Variants in JAK2 observed in about 807,000 individuals in gnomAD.
JAK2 encodes tyrosine-protein kinase JAK2.
JAK2 carries 86 observed loss-of-function variants against 139.3 expected under a neutral mutation model. The ratio of observed to expected loss-of-function variants is 0.62; its 90% CI spans 0.52 to 0.74. JAK2 has a LOEUF of 0.74. Ranked by LOEUF, JAK2 falls within the 30% of genes least tolerant of loss-of-function variation. The pLI, the probability that JAK2 is intolerant of heterozygous loss-of-function variation, is 0.00. For synonymous variants in JAK2, 490 were observed against 437.7 expected (o/e 1.12, Z -1.49); for missense variants, 1,421 against 1,360.3 (o/e 1.04, Z -0.70).
intron 6 of JAK2, among the ~76,000 whole-genome samples, chr9:5,052,407 T>C (rs551017254): frequency 7.1e-6 from 1 of 140,434 alleles, no homozygotes; most frequent in South Asian, 2.1e-4. Flanking sequence ...TGCTGCATCA[T>C]TTTTTTTTAC....
intron 2 of JAK2, among the ~76,000 whole-genome samples, chr9:5,011,474 G>A (rs1821695465): frequency 6.6e-6 from 1 of 152,202 alleles, no homozygotes; most frequent in Admixed American, 6.5e-5. Context: ...AAAGGCATGA[G>A]CCATGACTCC....
intron 22 of JAK2, among the ~76,000 whole-genome samples, chr9:5,118,605 T>C (rs967782533): frequency 6.6e-6 from 1 of 152,228 alleles, no homozygotes; most frequent in African/African-American, 2.4e-5. Context: ...TATTTATTTC[T>C]ATAATGGGAC....
At chr9:4,993,417 ATAGCTTATTCTT>A (rs1347467392) in intron 2 of JAK2, among the ~76,000 whole-genome samples, 1 of 152,216 alleles carries the variant, frequency 6.6e-6, no homozygotes, top group Non-Finnish European at 1.5e-5. Context: ...CAAAAAATGA[ATAGCTTATTCTT>A]TAGTTCATCT....
At chr9:5,002,992 C>T (rs1284432390) in intron 2 of JAK2, among the ~76,000 whole-genome samples, 1 of 151,858 alleles carries the variant, frequency 6.6e-6, no homozygotes, top group Non-Finnish European at 1.5e-5. Flanking sequence ...TTGAAATGAC[C>T]AATATTTCTT....
At chr9:5,015,938 A>C (rs532288405) in intron 2 of JAK2, among the ~76,000 whole-genome samples, 5 of 152,214 alleles carry the variant, frequency 3.3e-5, no homozygotes, top group Non-Finnish European at 5.9e-5. Flanking sequence ...CAAGCTGTAC[A>C]TATATATAGA....
At chr9:5,093,609 AT>A (rs1394506274) in intron 22 of JAK2, among the ~76,000 whole-genome samples, 10 of 152,190 alleles carry the variant, frequency 6.6e-5, no homozygotes, top group Admixed American at 6.5e-4. Context: ...TGCATTAAAA[AT>A]TTTGGTTGGG....
chr9:5,077,655 A>G lies in JAK2; in HGVS notation c.1992+75A>G, dbSNP rs558578501. 4.1e-6 allele frequency: 4 copies of G among 964,066 alleles called. No individual in the cohort carries two copies. In the South Asian group the frequency reaches 7.1e-5, roughly 17 times the overall value. 59.7% of individuals were successfully genotyped at this position (964,066 alleles called of 1,614,324 possible). A position where few individuals can be genotyped will look rare whatever the true frequency, so the allele number is the denominator to read the frequency against. On this transcript the variant is annotated intron_variant, in intron 15 of 24. Transcript: ENST00000381652. The stretch of plus-strand genomic sequence containing the variant: ...CAATATACAAATTATCTTTACCTGG[A>G]AACAAAAAATAAATCTGTAATTGGA...
chr9:5,096,802 C>G (rs967997782), intron 22 of JAK2: 1 of 152,166 alleles, frequency 6.6e-6, no homozygotes, highest in African/African-American at 2.4e-5. Flanking sequence ...CAACCAGGAA[C>G]TCTGCTAGGA....
intron 12 of JAK2, among the ~76,000 whole-genome samples, chr9:5,070,419 C>G (rs1051028851): frequency 1.3e-5 from 2 of 152,078 alleles, no homozygotes. Context: ...CCAGCCATCT[C>G]TCAGTGTCCA....
intron 16 of JAK2, among the ~76,000 whole-genome samples, chr9:5,079,610 A>G (rs1436228551): frequency 6.6e-6 from 1 of 152,078 alleles, no homozygotes; most frequent in Non-Finnish European, 1.5e-5. Context: ...AATACCAAAA[A>G]GTATCATGGG....
chr9:5,007,599 A>T (rs952777510), intron 2 of JAK2, among the ~76,000 whole-genome samples: 6 of 147,468 alleles, frequency 4.1e-5, no homozygotes, highest in African/African-American at 8.1e-5. Context: ...CCTATTTTGC[A>T]ACTTAATATA....
chr9:5,079,915 G>C (rs1327667654), intron 16 of JAK2, among the ~76,000 whole-genome samples: 3 of 152,196 alleles, frequency 2.0e-5, no homozygotes. Context: ...GGAAAGATTA[G>C]TTGATTCAGA....
chr9:5,126,797 A>T lies in JAK2; in HGVS notation c.*6A>T. ...GGGATAACATGGCTGGATGAAAGAAATGACCTTCATTCTGAGACCAAAGTA... is the reference window on the plus strand; with the variant it reads ...GGGATAACATGGCTGGATGAAAGAATTGACCTTCATTCTGAGACCAAAGTA... On this transcript the variant is annotated 3_prime_UTR_variant, in exon 25 of 25. Coordinates refer to ENST00000381652, the MANE Select transcript of JAK2 (RefSeq NM_004972.4). 6.4e-7 allele frequency: 1 copy of T among 1,570,100 alleles called. No homozygotes were observed. Among genetic ancestry groups the T allele is most frequent in the Non-Finnish European group, 8.7e-7 (1 of 1,143,106 alleles).
chr9:5,038,988 G>T (rs1586682073), intron 4 of JAK2, among the ~76,000 whole-genome samples: 1 of 151,958 alleles, frequency 6.6e-6, no homozygotes, highest in African/African-American at 2.4e-5. Context: ...AACACAATAG[G>T]AATGGCAAGG....
At position 5,073,681 on chromosome 9, in the gene JAK2, C is replaced by CTT; in HGVS notation, c.1777-8_1777-7dup. On this transcript the variant is annotated splice_polypyrimidine_tract_variant and intron_variant, in intron 13 of 24. Transcript: ENST00000381652. The stretch of plus-strand genomic sequence containing the variant: ...AACAGTCAAACAACAATTCTTTGTA[C>CTT]TTTTTTTTTTCCTTAGTCTTTCTTT... The CTT allele has an allele frequency of 1.1e-5, 16 of 1,424,912 alleles. No homozygotes were observed. Among genetic ancestry groups the CTT allele is most frequent in the Non-Finnish European group, 1.3e-5 (13 of 1,036,468 alleles). 88.3% of individuals were successfully genotyped at this position (1,424,912 alleles called of 1,614,324 possible).
intron 22 of JAK2, chr9:5,110,901 T>C (rs1822437958): frequency 5.5e-6 from 3 of 550,110 alleles, no homozygotes; most frequent in African/African-American, 1.9e-5. Context: ...ATGCCCGCTC[T>C]GGCCCCAAGA....
intron 8 of JAK2, among the ~76,000 whole-genome samples, chr9:5,062,473 T>A (rs7859390): frequency 0.26 from 34,967 of 133,670 alleles, 4,555 homozygotes; most frequent in South Asian, 0.3. Flanking sequence ...CTTGCTCCAC[T>A]TAAGTTTGTC....
At chr9:5,092,540 T>G (rs946261195) in intron 22 of JAK2, among the ~76,000 whole-genome samples, 10 of 152,224 alleles carry the variant, frequency 6.6e-5, no homozygotes, top group African/African-American at 2.4e-4. Context: ...CCATTTACCT[T>G]AGACAAAAGA....
At chr9:5,103,080 A>G (rs1821640819) in intron 22 of JAK2, among the ~76,000 whole-genome samples, 1 of 152,150 alleles carries the variant, frequency 6.6e-6, no homozygotes, top group South Asian at 2.1e-4. Context: ...GAATGCCCCA[A>G]TTAAAAAACA....
Sources: gnomAD v4.1 joint callset for allele counts (sites outside exome capture counted in the v4.1 genomes callset) on GRCh38, gnomAD v4.1.1 for gene constraint, MANE v1.5 for transcripts, NCBI Gene and HGNC (gene_info 2026-07-23, HGNC 2026-07-21) for gene names.